Variants in UTP23 observed in about 807,000 individuals in gnomAD.
UTP23 encodes the protein rRNA-processing protein UTP23 homolog.
UTP23 carries 10 observed loss-of-function variants against 19.8 expected under a neutral mutation model. The ratio of observed to expected loss-of-function variants is 0.50; its 90% confidence interval spans 0.31 to 0.86. The LOEUF is 0.86. Among genes scored for constraint, UTP23 ranks in the 40% least tolerant of loss-of-function variants. The probability of loss-of-function intolerance (pLI) is 0.05; values close to 1 mark genes in which losing one functional copy is unlikely to be tolerated. For missense variants in UTP23, 282 were observed against 293.1 expected, an observed-to-expected ratio of 0.96 and a Z score of 0.28; for synonymous variants, 108 against 105.4, an observed-to-expected ratio of 1.02 and a Z score of -0.15.
rs1815698014 is a variant in UTP23 at position 116,774,454 on chromosome 8, C to A, written c.*2612C>A. On this transcript the variant is annotated 3_prime_UTR_variant, in exon 3 of 3. Transcript: ENST00000309822. ...TGGATAGAAATGAATAGTTTGGAGT[C>A]TTTAAAATGTTTTAAAAAATGTTTG... 8.2e-6 allele frequency: 8 copies of A among 976,442 alleles called. No individual in the cohort carries two copies. Among genetic ancestry groups the A allele is most frequent in the Non-Finnish European group, 9.7e-6 (8 of 822,232 alleles). The allele number at this position is 976,442 out of a possible 1,614,324, so 60.5% of individuals were successfully genotyped here.
chr8:116,774,348 G>C lies in UTP23; in HGVS notation c.*2506G>C. ...CAGCTTTGAAACTAGAGTTTCAAAG[G>C]TAAAAGGATCTCATGTTTCTGAATC... On this transcript the variant is annotated 3_prime_UTR_variant, in exon 3 of 3. Coordinates refer to ENST00000309822, the MANE Select transcript of UTP23 (RefSeq NM_032334.3). 1 of 985,236 alleles carries C rather than the reference G, an allele frequency of 1.0e-6. No homozygotes were observed. Among genetic ancestry groups the C allele is most frequent in the Non-Finnish European group, 1.2e-6 (1 of 829,890 alleles). The allele number at this position is 985,236 out of a possible 1,614,324, so 61.0% of individuals were successfully genotyped here.
At chr8:116,766,899 C>A in intron 1 of UTP23, 108 bp downstream of exon 1, 1 of 1,126,324 alleles carries the variant, frequency 8.9e-7, no homozygotes, top group Admixed American at 2.9e-5. Flanking sequence ...GCAAAACGCC[C>A]CGCCCACGTG....
At position 116,773,657 on chromosome 8, in the gene UTP23, A is replaced by G; in HGVS notation, c.*1815A>G. The stretch of plus-strand genomic sequence containing the variant: ...AAACCCTGTCTGTACTAAAAATACA[A>G]AAATTAGCTGGGTGTGGTGGTGTGC... On this transcript the variant is annotated 3_prime_UTR_variant, in exon 3 of 3. Coordinates refer to ENST00000309822, the MANE Select transcript of UTP23 (RefSeq NM_032334.3). 1 of 331,194 alleles carries G rather than the reference A, an allele frequency of 3.0e-6. No individual in the cohort carries two copies. The highest frequency in any genetic ancestry group is 4.3e-6 in the Non-Finnish European group (1 of 232,066). The allele number at this position is 331,194 out of a possible 1,614,324, so 20.5% of individuals were successfully genotyped here.
At position 116,774,249 on chromosome 8, in the gene UTP23, C is replaced by G. The variant is rs549050715; in HGVS notation, c.*2407C>G. The G allele has an allele frequency of 1.0e-6, 1 of 985,294 alleles. No homozygotes were observed. The highest frequency in any genetic ancestry group is 1.1e-4 in the East Asian group (1 of 8,814). 61.0% of individuals were successfully genotyped at this position (985,294 alleles called of 1,614,324 possible). A position where few individuals can be genotyped will look rare whatever the true frequency, so the allele number is the denominator to read the frequency against. ...TTGTGTATGGGCACGATACTGTATT[C>G]TTTACATTTTTATGGCCCTACAGCT... On this transcript the variant is annotated 3_prime_UTR_variant, in exon 3 of 3. Coordinates refer to ENST00000309822, the MANE Select transcript of UTP23 (RefSeq NM_032334.3).
chr8:116,772,270 A>G lies in UTP23; in HGVS notation c.*428A>G, dbSNP rs939858592. On this transcript the variant is annotated 3_prime_UTR_variant, in exon 3 of 3. Transcript: ENST00000309822. ...GTTTCGGGAGGTTGTTTCTCCAGGT[A>G]AAATTGTCGCCTCTCTGGTCCCATT... 1.0e-6 allele frequency: 1 copy of G among 985,850 alleles called. No individual in the cohort carries two copies. The highest frequency in any genetic ancestry group is 1.7e-5 in the African/African-American group (1 of 57,270). The allele number at this position is 985,850 out of a possible 1,614,324, so 61.1% of individuals were successfully genotyped here.
At chr8:116,768,028 C>T (rs1480048526) in intron 1 of UTP23, among the ~76,000 whole-genome samples, 1 of 152,050 alleles carries the variant, frequency 6.6e-6, no homozygotes, top group Non-Finnish European at 1.5e-5. Flanking sequence ...TTGAGGTGAG[C>T]CTGAGCAACG....
At position 116,773,933 on chromosome 8, in the gene UTP23, G is replaced by A; in HGVS notation, c.*2091G>A. 3.0e-6 allele frequency: 3 copies of A among 984,800 alleles called. No individual in the cohort carries two copies. Among genetic ancestry groups the A allele is most frequent in the Non-Finnish European group, 2.4e-6 (2 of 829,544 alleles). 61.0% of individuals were successfully genotyped at this position (984,800 alleles called of 1,614,324 possible). On this transcript the variant is annotated 3_prime_UTR_variant, in exon 3 of 3. Transcript: ENST00000309822. ...CATATCCTTGTACTTCAGTTTTTTT[G>A]TGTGTGAATACTATCCCTATACCAC... is the stretch of plus-strand genomic sequence containing the variant.
At chr8:116,770,598 C>T (rs1815639772) in intron 2 of UTP23, 1 of 392,010 alleles carries the variant, frequency 2.6e-6, no homozygotes, top group East Asian at 4.1e-5. Flanking sequence ...TTTAATGATT[C>T]CTTTGTTTTG....
Position 116,771,705 on chromosome 8 carries a change from C to G in UTP23, c.613C>G (p.Leu205Val), listed in dbSNP as rs771492025. Residue 205 changes from leucine (L) to valine (V), a missense_variant, in exon 3 of 3, where the codon CTT becomes GTT. Transcript: ENST00000309822. ...KRKKISGPNP[L>V]SCLKKKKKAP... ...CAAGAAAATAAGTGGTCCCAATCCTCTTAGTTGTTTGAAGAAAAAGAAAAA... is the reference window on the plus strand; with the variant it reads ...CAAGAAAATAAGTGGTCCCAATCCTGTTAGTTGTTTGAAGAAAAAGAAAAA... 2 of 1,612,886 alleles carry G rather than the reference C, an allele frequency of 1.2e-6. No individual in the cohort carries two copies. Among genetic ancestry groups the G allele is most frequent in the Non-Finnish European group, 1.7e-6 (2 of 1,179,848 alleles).
Position 116,773,996 on chromosome 8 carries a change from C to A in UTP23, c.*2154C>A. 2 of 985,258 alleles carry A rather than the reference C, an allele frequency of 2.0e-6. No homozygotes were observed. Among genetic ancestry groups the A allele is most frequent in the Non-Finnish European group, 2.4e-6 (2 of 829,908 alleles). 61.0% of individuals were successfully genotyped at this position (985,258 alleles called of 1,614,324 possible). ...CTCAGAATTATTTGCTTTATTTTTT[C>A]ATACAACTTGGGGAAGGGAACCATG... On this transcript the variant is annotated 3_prime_UTR_variant, in exon 3 of 3. Transcript: ENST00000309822.
rs1231250022 is a variant in UTP23 at position 116,770,344 on chromosome 8, A to G, written c.341A>G (p.His114Arg). ...LLSMVEEGNPHHYFVATQDQN... is the reference protein window; with the variant it reads ...LLSMVEEGNPRHYFVATQDQN... Reference sequence around the variant, plus strand: ...TCCATGGTTGAAGAGGGAAATCCTCATCATTATTTTGTGGCAACACAGGTG... The same window carrying G: ...TCCATGGTTGAAGAGGGAAATCCTCGTCATTATTTTGTGGCAACACAGGTG... Residue 114 changes from histidine (H) to arginine (R), a missense_variant, in exon 2 of 3, where the codon CAT becomes CGT. By Grantham distance (29) the His-to-Arg change is conservative. Transcript: ENST00000309822. The G allele has an allele frequency of 6.2e-7, 1 of 1,611,554 alleles. No homozygotes were observed. Among genetic ancestry groups the G allele is most frequent in the East Asian group, 2.2e-5 (1 of 44,808 alleles).
chr8:116,774,396 A>G lies in UTP23; in HGVS notation c.*2554A>G. ...ATCTGCGTAAAGCAAGATGGCTGTG[A>G]TTTGACAGGTTTAATTGCTAGTTTT... On this transcript the variant is annotated 3_prime_UTR_variant, in exon 3 of 3. Transcript: ENST00000309822. 1.0e-6 allele frequency: 1 copy of G among 967,264 alleles called. No individual in the cohort carries two copies. Among genetic ancestry groups the G allele is most frequent in the South Asian group, 4.9e-5 (1 of 20,358 alleles). The allele number at this position is 967,264 out of a possible 1,614,324, so 59.9% of individuals were successfully genotyped here. A position where few individuals can be genotyped will look rare whatever the true frequency, so the allele number is the denominator to read the frequency against.
intron 1 of UTP23, 200 bp downstream of exon 1, chr8:116,766,991 T>C (rs1815591406): frequency 5.8e-6 from 3 of 514,976 alleles, no homozygotes; most frequent in Non-Finnish European, 1.0e-5. Flanking sequence ...CCTGTGAATA[T>C]CACGTGTCGT....
At chr8:116,769,991 A>G in intron 1 of UTP23, 1 of 508,996 alleles carries the variant, frequency 2.0e-6, no homozygotes, top group Non-Finnish European at 3.5e-6. Flanking sequence ...TACATGGAAC[A>G]TAATAAGTGC....
In UTP23 at chr8:116,772,472, A is replaced by G. The variant is rs1257751416; in HGVS notation, c.*630A>G. The G allele has an allele frequency of 4.2e-6, 4 of 962,904 alleles. No individual in the cohort carries two copies. Among genetic ancestry groups the G allele is most frequent in the Non-Finnish European group, 4.9e-6 (4 of 809,566 alleles). The allele number at this position is 962,904 out of a possible 1,614,324, so 59.6% of individuals were successfully genotyped here. A position where few individuals can be genotyped will look rare whatever the true frequency, so the allele number is the denominator to read the frequency against. ...TATGATTATACCGCTACTTTTTGAT[A>G]CATCAATTATTTATTGACTTCCTAC... is the stretch of plus-strand genomic sequence containing the variant. On this transcript the variant is annotated 3_prime_UTR_variant, in exon 3 of 3. Coordinates refer to ENST00000309822, the MANE Select transcript of UTP23 (RefSeq NM_032334.3).
Position 116,770,340 on chromosome 8 carries a change from C to A in UTP23, c.337C>A (p.Pro113Thr). ...CLLSMVEEGN[P>T]HHYFVATQDQ... ...GCTTTCCATGGTTGAAGAGGGAAATCCTCATCATTATTTTGTGGCAACACA... is the reference window on the plus strand; with the variant it reads ...GCTTTCCATGGTTGAAGAGGGAAATACTCATCATTATTTTGTGGCAACACA... Residue 113 changes from proline to threonine, a missense_variant, in exon 2 of 3, where the codon CCT (proline) becomes ACT (threonine). Pro to Thr is a conservative substitution (Grantham distance 38, BLOSUM62 -1). Coordinates refer to ENST00000309822, the MANE Select transcript of UTP23 (RefSeq NM_032334.3). The A allele has an allele frequency of 1.2e-6, 2 of 1,612,226 alleles. No individual in the cohort carries two copies. The highest frequency in any genetic ancestry group is 1.7e-6 in the Non-Finnish European group (2 of 1,178,644).
At chr8:116,767,889 C>T (rs897619241) in intron 1 of UTP23, among the ~76,000 whole-genome samples, 5 of 152,142 alleles carry the variant, frequency 3.3e-5, no homozygotes, top group Non-Finnish European at 7.3e-5. Context: ...CAGTGTCATC[C>T]ATCCAGTTCT....
Position 116,766,929 on chromosome 8 carries a change from G to A in UTP23, c.188+138G>A, listed in dbSNP as rs539596874. ...CACGTGGAGTTGACAGTTAAGTGGA[G>A]AGGTGAAGGTGGTCAGGCGAATACC... On this transcript the variant is annotated intron_variant, in intron 1 of 2. Coordinates refer to ENST00000309822, the MANE Select transcript of UTP23 (RefSeq NM_032334.3). 309 of 845,080 alleles carry A rather than the reference G, an allele frequency of 3.7e-4. 1 individual carries two copies. In the African/African-American group the frequency reaches 4.8e-3, roughly 13 times the overall value. The allele number at this position is 845,080 out of a possible 1,614,324, so 52.3% of individuals were successfully genotyped here.
chr8:116,768,695 C>T (rs1815615531), intron 1 of UTP23, among the ~76,000 whole-genome samples: 1 of 152,192 alleles, frequency 6.6e-6, no homozygotes, highest in African/African-American at 2.4e-5. Context: ...GATGGAGTCT[C>T]ACTTTATTGC....
Sources: gnomAD v4.1 joint callset for allele counts (sites outside exome capture counted in the v4.1 genomes callset) on GRCh38, gnomAD v4.1.1 for gene constraint, MANE v1.5 for transcripts, NCBI Gene and HGNC (gene_info 2026-07-23, HGNC 2026-07-21) for gene names.